The following UNC5D variants were observed in gnomAD, a reference collection of about 807,000 sequenced individuals.
UNC5D encodes netrin receptor UNC5D.
A neutral mutation model predicts 105.4 loss-of-function variants in UNC5D; 39 were observed. That is an observed-to-expected ratio of 0.37 (90% CI 0.29 to 0.48). The LOEUF is 0.48. Among genes scored for constraint, UNC5D ranks in the 20% least tolerant of loss-of-function variants. The probability of loss-of-function intolerance (pLI) is 0.98; values close to 1 mark genes in which losing one functional copy is unlikely to be tolerated. For missense variants in UNC5D, 991 were observed against 1,202.4 expected (o/e 0.82, Z 2.60); for synonymous variants, 452 against 450.4 (o/e 1.00, Z -0.04).
At chr8:35,662,721 C>A (rs1356748738) in intron 4 of UNC5D, among the ~76,000 whole-genome samples, 1 of 152,166 alleles carries the variant, frequency 6.6e-6, no homozygotes, top group Non-Finnish European at 1.5e-5. Context: ...TCTGCAGTCA[C>A]AAGTTTGTTA....
chr8:35,624,997 C>G (rs897167926), intron 4 of UNC5D, among the ~76,000 whole-genome samples: 1 of 152,060 alleles, frequency 6.6e-6, no homozygotes, highest in Non-Finnish European at 1.5e-5. Context: ...TTTGAACATG[C>G]ATATGTGTGT....
intron 1 of UNC5D, among the ~76,000 whole-genome samples, chr8:35,292,413 TATTA>T (rs1807138505): frequency 1.3e-5 from 2 of 152,206 alleles, no homozygotes; most frequent in Non-Finnish European, 2.9e-5. Flanking sequence ...GAACTTCAGT[TATTA>T]ATTCATTTCT....
intron 4 of UNC5D, among the ~76,000 whole-genome samples, chr8:35,598,958 C>T: frequency 6.6e-6 from 1 of 151,898 alleles, no homozygotes; most frequent in East Asian, 1.9e-4. Flanking sequence ...GCCTGCCTAA[C>T]ATGATGAAAC....
chr8:35,718,210 A>G (rs999393573), intron 8 of UNC5D, among the ~76,000 whole-genome samples: 1 of 151,998 alleles, frequency 6.6e-6, no homozygotes, highest in African/African-American at 2.4e-5. Flanking sequence ...GAAAATAGGG[A>G]TGAAGAAAAC....
intron 1 of UNC5D, among the ~76,000 whole-genome samples, chr8:35,350,009 ACAG>A (rs1812091828): frequency 6.6e-6 from 1 of 151,996 alleles, no homozygotes; most frequent in Non-Finnish European, 1.5e-5. Flanking sequence ...TGTAGTGAAA[ACAG>A]CACATAATAT....
chr8:35,509,800 A>G (rs1812580582), intron 1 of UNC5D, among the ~76,000 whole-genome samples: 3 of 151,862 alleles, frequency 2.0e-5, no homozygotes, highest in Admixed American at 2.0e-4. Context: ...GTTCCACACA[A>G]TTGTCTCCAC....
At chr8:35,537,172 T>C (rs1318287080) in intron 1 of UNC5D, among the ~76,000 whole-genome samples, 1 of 152,160 alleles carries the variant, frequency 6.6e-6, no homozygotes, top group Non-Finnish European at 1.5e-5. Flanking sequence ...AAAATATGAA[T>C]AAACAATTCA....
intron 3 of UNC5D, among the ~76,000 whole-genome samples, chr8:35,592,234 G>A (rs1819218947): frequency 6.6e-6 from 1 of 152,036 alleles, no homozygotes; most frequent in Non-Finnish European, 1.5e-5. Flanking sequence ...CTCTACTCTA[G>A]ATTCTCAGTT....
chr8:35,573,252 T>G (rs1817871621), intron 3 of UNC5D, among the ~76,000 whole-genome samples: 2 of 152,184 alleles, frequency 1.3e-5, no homozygotes, highest in Non-Finnish European at 1.5e-5. Context: ...ATTCCTCATT[T>G]AACAGCTGGG....
intron 1 of UNC5D, among the ~76,000 whole-genome samples, chr8:35,362,946 C>A (rs1022771711): frequency 2.0e-5 from 3 of 152,088 alleles, no homozygotes; most frequent in Admixed American, 2.0e-4. Context: ...ATCCACAAAT[C>A]GTATTTCTAA....
chr8:35,771,490 A>C (rs775631184), intron 15 of UNC5D, among the ~76,000 whole-genome samples: 3 of 152,230 alleles, frequency 2.0e-5, no homozygotes, highest in Admixed American at 6.5e-5. Context: ...TACTATTCCT[A>C]CTTGATTTGC....
chr8:35,552,815 C>T (rs931102739), intron 2 of UNC5D, among the ~76,000 whole-genome samples: 1 of 152,104 alleles, frequency 6.6e-6, no homozygotes, highest in Admixed American at 6.6e-5. Context: ...ACAGCAGTCT[C>T]ACTTACGTTG....
intron 8 of UNC5D, among the ~76,000 whole-genome samples, chr8:35,712,702 G>T (rs944181773): frequency 1.3e-5 from 2 of 152,182 alleles, no homozygotes; most frequent in African/African-American, 4.8e-5. Context: ...CTCAGAGGAT[G>T]TGGGGGCTGT....
chr8:35,570,678 G>A (rs1817656700), intron 3 of UNC5D, among the ~76,000 whole-genome samples: 1 of 152,040 alleles, frequency 6.6e-6, no homozygotes, highest in Non-Finnish European at 1.5e-5. Flanking sequence ...CTTAGCCCGG[G>A]CACGGTGGCT....
chr8:35,391,882 G>T (rs978838414), intron 1 of UNC5D, among the ~76,000 whole-genome samples: 1 of 152,128 alleles, frequency 6.6e-6, no homozygotes, highest in African/African-American at 2.4e-5. Context: ...GTAACCTATT[G>T]TACTTGGTTT....
intron 1 of UNC5D, among the ~76,000 whole-genome samples, chr8:35,422,842 C>A (rs550499652): frequency 6.6e-6 from 1 of 152,274 alleles, no homozygotes; most frequent in African/African-American, 2.4e-5. Flanking sequence ...TGAACATAAT[C>A]TGTCCTCAAA....
chr8:35,286,841 C>T (rs973045158), intron 1 of UNC5D, among the ~76,000 whole-genome samples: 2 of 152,178 alleles, frequency 1.3e-5, no homozygotes, highest in Admixed American at 1.3e-4. Flanking sequence ...AAAAATCTCA[C>T]CCAGCATGGG....
At chr8:35,668,404 C>A (rs1320383074) in intron 4 of UNC5D, among the ~76,000 whole-genome samples, 1 of 152,090 alleles carries the variant, frequency 6.6e-6, no homozygotes, top group African/African-American at 2.4e-5. Context: ...CTTTGTCATG[C>A]TGCAAACATT....
At chr8:35,319,934 C>T (rs1018769931) in intron 1 of UNC5D, among the ~76,000 whole-genome samples, 3 of 152,034 alleles carry the variant, frequency 2.0e-5, no homozygotes, top group Non-Finnish European at 4.4e-5. Context: ...CTCTTGAAGC[C>T]TCTTGCCATG....
Sources: allele counts gnomAD v4.1 joint callset (sites outside exome capture counted in the v4.1 genomes callset), GRCh38; gene constraint gnomAD v4.1.1; transcripts MANE v1.5; gene names NCBI Gene and HGNC (gene_info 2026-07-23, HGNC 2026-07-21).